The following ZNF638 variants were observed in gnomAD, a reference collection of about 807,000 sequenced individuals.
ZNF638 encodes CTCL tumor antigen se33-1.
A neutral mutation model predicts 195.6 loss-of-function variants in ZNF638; 46 were observed. The observed-to-expected ratio is 0.24, with a 90% confidence interval of 0.19 to 0.30. The LOEUF (loss-of-function observed/expected upper bound fraction) is 0.30, where lower values mean the gene tolerates loss of function less well. ZNF638 is among the 10% of genes least tolerant of loss of function. The pLI is 1.00. For missense variants in ZNF638, 2,440 were observed against 2,325.3 expected (o/e 1.05, Z -1.01); for synonymous variants, 845 against 772.0 (o/e 1.09, Z -1.57).
In ZNF638 at chr2:71,424,055, G is replaced by T. The variant is rs1449606351; in HGVS notation, c.4524+17G>T. ...AACAATAAGGTGAGGAGGGTAGGAA[G>T]AATGGCACAGTGTGTCTTTGAAGTG... On this transcript the variant is annotated intron_variant, in intron 22 of 27. Coordinates refer to ENST00000264447, the MANE Select transcript of ZNF638 (RefSeq NM_014497.5). The T allele has an allele frequency of 5.0e-6, 8 of 1,605,770 alleles. No individual in the cohort carries two copies. Among genetic ancestry groups the T allele is most frequent in the Non-Finnish European group, 6.8e-6 (8 of 1,175,554 alleles).
intron 3 of ZNF638, among the ~76,000 whole-genome samples, chr2:71,356,609 A>G (rs1337593187): frequency 6.6e-6 from 1 of 152,064 alleles, no homozygotes; most frequent in African/African-American, 2.4e-5. Flanking sequence ...ACACAGCAAG[A>G]TCTTGTCTCT....
At chr2:71,339,719 A>C (rs1055392138) in intron 1 of ZNF638, among the ~76,000 whole-genome samples, 3 of 152,142 alleles carry the variant, frequency 2.0e-5, no homozygotes, top group African/African-American at 7.2e-5. Flanking sequence ...TAGGGCTGTT[A>C]ACAGCATTTG....
intron 2 of ZNF638, among the ~76,000 whole-genome samples, chr2:71,352,505 A>T (rs1023255149): frequency 2.1e-4 from 32 of 151,714 alleles, no homozygotes; most frequent in Non-Finnish European, 2.9e-4. Context: ...TAAAAAAAAA[A>T]AAAAAGAAGA....
At chr2:71,431,201 A>C in intron 25 of ZNF638, 126 bp from the exon 26 acceptor site, 8 of 671,778 alleles carry the variant, frequency 1.2e-5, no homozygotes, top group African/African-American at 1.8e-5. Context: ...TGTGCAAAGA[A>C]TGGCCAGATG....
chr2:71,405,710 C>A, intron 18 of ZNF638, 68 bp downstream of exon 18: 1 of 1,179,232 alleles, frequency 8.5e-7, no homozygotes, highest in South Asian at 1.4e-5. Context: ...TACTTGTTTG[C>A]CTTTTAGGAA....
intron 8 of ZNF638, among the ~76,000 whole-genome samples, chr2:71,378,704 A>T (rs1364043266): frequency 6.6e-6 from 1 of 152,234 alleles, no homozygotes; most frequent in Non-Finnish European, 1.5e-5. Flanking sequence ...TGGGGAATGA[A>T]GAGCTGTGCA....
Position 71,368,401 on chromosome 2 carries a change from T to C in ZNF638, c.2015T>C (p.Leu672Ser). ...LQRKLRKEQS[L>S]HYGSVLLITE... is the part of the protein sequence containing the mutation. ...AAATAGCTTCGGAAAGAACAGTCATTGCATTATGGTTCGGTTCTTCTTATA... is the reference window on the plus strand; with the variant it reads ...AAATAGCTTCGGAAAGAACAGTCATCGCATTATGGTTCGGTTCTTCTTATA... The change falls in exon 7 of 28, where the codon TTG becomes TCG. Residue 672 changes from leucine (L) to serine (S), a missense_variant. Around this residue, in one of 5 missense-constraint regions of ZNF638, gnomAD observed 1,883 missense variants for 1,739.1 expected, o/e 1.08. Coordinates refer to ENST00000264447, the MANE Select transcript of ZNF638 (RefSeq NM_014497.5). 1.2e-6 allele frequency: 2 copies of C among 1,612,406 alleles called. No individual in the cohort carries two copies. Among genetic ancestry groups the C allele is most frequent in the East Asian group, 2.2e-5 (1 of 44,714 alleles).
At chr2:71,396,462 C>T (rs2079896868) in intron 11 of ZNF638, among the ~76,000 whole-genome samples, 1 of 152,074 alleles carries the variant, frequency 6.6e-6, no homozygotes, top group Non-Finnish European at 1.5e-5. Context: ...CTCTCTTCTT[C>T]CTTACTTTTA....
intron 12 of ZNF638, 144 bp downstream of exon 12, chr2:71,398,916 T>C (rs541660971): frequency 1.1e-5 from 8 of 722,782 alleles, no homozygotes; most frequent in Non-Finnish European, 1.8e-5. Flanking sequence ...TGTTGGAATT[T>C]TATCTTTGGC....
chr2:71,339,660 T>TTTG (rs869284202), intron 1 of ZNF638, among the ~76,000 whole-genome samples: 2 of 152,150 alleles, frequency 1.3e-5, no homozygotes, highest in Admixed American at 6.5e-5. Flanking sequence ...TCCAGTGGCT[T>TTTG]TTGTTGTTGT....
intron 1 of ZNF638, among the ~76,000 whole-genome samples, chr2:71,339,991 A>G (rs1439332083): frequency 6.6e-6 from 1 of 152,220 alleles, no homozygotes; most frequent in Non-Finnish European, 1.5e-5. Context: ...ACAATAGCCC[A>G]TTTATCAAAA....
rs1192097262 is a variant in ZNF638, at chr2:71,427,033, A to T, written c.5164A>T (p.Ile1722Phe). 16 of 1,613,392 alleles carry T rather than the reference A, an allele frequency of 9.9e-6. No individual in the cohort carries two copies. The highest frequency in any genetic ancestry group is 1.3e-5 in the Non-Finnish European group (15 of 1,179,822). ...GDTVRDSIGF[I>F]SSQVPEDPST... ...TACTGTAAGGGATTCCATTGGCTTC[A>T]TTTCTTCTCAGGTGCCCGAAGACCC... The change falls in exon 24 of 28, where the codon ATT (isoleucine) becomes TTT (phenylalanine). Residue 1722 changes from isoleucine (I) to phenylalanine (F), a missense_variant. Transcript: ENST00000264447.
intron 5 of ZNF638, 100 bp from the exon 6 acceptor site, chr2:71,365,329 T>A: frequency 1.0e-6 from 1 of 960,208 alleles, no homozygotes; most frequent in Non-Finnish European, 1.5e-6. Context: ...GTCTGTGTGC[T>A]CCCTGTTTAG....
At chr2:71,429,048 G>A (rs1025899662) in intron 25 of ZNF638, 2 of 159,570 alleles carry the variant, frequency 1.3e-5, no homozygotes, top group Non-Finnish European at 2.8e-5. Context: ...TCTAGTGAGA[G>A]AGAATACTTT....
At position 71,423,073 on chromosome 2, in the gene ZNF638, A is replaced by G. The variant is rs1455676014; in HGVS notation, c.3559A>G (p.Ser1187Gly). The G allele has an allele frequency of 1.2e-6, 2 of 1,614,168 alleles. No individual in the cohort carries two copies. Among genetic ancestry groups the G allele is most frequent in the Non-Finnish European group, 1.7e-6 (2 of 1,179,996 alleles). Residue 1187 changes from serine to glycine, a missense_variant, in exon 22 of 28, where the codon AGT (serine) becomes GGT (glycine). Ser to Gly is a moderately conservative substitution (Grantham distance 56). Transcript: ENST00000264447. The part of the protein sequence containing the change: ...EIPLVASASV[S>G]IEQFTENAEE... ...TCCTCTTGTAGCATCCGCTTCAGTCAGTATTGAACAATTCACTGAAAATGC... is the reference window on the plus strand; with the variant it reads ...TCCTCTTGTAGCATCCGCTTCAGTCGGTATTGAACAATTCACTGAAAATGC...
intron 16 of ZNF638, among the ~76,000 whole-genome samples, chr2:71,402,319 CAA>C (rs1246974707): frequency 6.6e-6 from 1 of 151,814 alleles, no homozygotes; most frequent in African/African-American, 2.4e-5. Flanking sequence ...AAGTTCTACT[CAA>C]AATTTTAGTT....
intron 3 of ZNF638, among the ~76,000 whole-genome samples, chr2:71,359,028 A>G (rs1403239830): frequency 6.6e-6 from 1 of 152,202 alleles, no homozygotes; most frequent in Non-Finnish European, 1.5e-5. Flanking sequence ...GCATAGTCTA[A>G]ACATAACTTT....
At chr2:71,374,377 C>T (rs1354438387) in intron 8 of ZNF638, among the ~76,000 whole-genome samples, 1 of 152,122 alleles carries the variant, frequency 6.6e-6, no homozygotes, top group African/African-American at 2.4e-5. Flanking sequence ...TATGTGGTTT[C>T]TGTTACAACA....
At position 71,434,732 on chromosome 2, in the gene ZNF638, C is replaced by G; in HGVS notation, c.5872-10C>G. ...AATAAGTATTTTATATTGCAAATTG[C>G]TTTTAACAGAAATTCATGGCCAAGC... On this transcript the variant is annotated splice_polypyrimidine_tract_variant and intron_variant, in intron 27 of 27. Transcript: ENST00000264447. 9 of 1,611,918 alleles carry G rather than the reference C, an allele frequency of 5.6e-6. No homozygotes were observed. Among genetic ancestry groups the G allele is most frequent in the Non-Finnish European group, 7.6e-6 (9 of 1,179,002 alleles).
Sources: gnomAD v4.1 joint callset for allele counts (sites outside exome capture counted in the v4.1 genomes callset) on GRCh38, gnomAD v4.1.1 for gene constraint, gnomAD v4.1.1 regional missense constraint, MANE v1.5 for transcripts, NCBI Gene and HGNC (gene_info 2026-07-23, HGNC 2026-07-21) for gene names.